PRKG1: variants seen among roughly 807,000 people sequenced by gnomAD.
The protein encoded by PRKG1 is cGMP-dependent protein kinase 1.
A neutral mutation model predicts 88.1 loss-of-function variants in PRKG1; 35 were observed. The observed-to-expected ratio is 0.40, with a 90% CI of 0.30 to 0.53. PRKG1 has a LOEUF of 0.53. Among genes scored for constraint, PRKG1 ranks in the 20% least tolerant of loss-of-function variants. The pLI is 0.59. For synonymous variants in PRKG1, 303 were observed against 292.5 expected (o/e 1.04, Z -0.37); for missense variants, 540 against 839.8 (o/e 0.64, Z 4.41).
At chr10:51,182,455 A>G (rs940155686) in intron 2 of PRKG1, among the ~76,000 whole-genome samples, 2 of 152,134 alleles carry the variant, frequency 1.3e-5, no homozygotes, top group African/African-American at 4.8e-5. Context: ...CCCTTTAGCA[A>G]TAGATCTTTG....
intron 3 of PRKG1, among the ~76,000 whole-genome samples, chr10:51,669,828 C>A (rs1354163089): frequency 6.6e-6 from 1 of 152,192 alleles, no homozygotes; most frequent in Non-Finnish European, 1.5e-5. Context: ...TCCATGCATG[C>A]TTTAAAAGAG....
chr10:51,831,953 C>G (rs1224733711), intron 4 of PRKG1, among the ~76,000 whole-genome samples: 1 of 152,054 alleles, frequency 6.6e-6, no homozygotes, highest in African/African-American at 2.4e-5. Context: ...ACTTATTTTT[C>G]CGTATATGTA....
intron 3 of PRKG1, among the ~76,000 whole-genome samples, chr10:51,695,285 C>T (rs549127962): frequency 2.2e-4 from 33 of 152,086 alleles, no homozygotes; most frequent in Non-Finnish European, 4.4e-4. Context: ...TTATACCAAC[C>T]ACAAAATGGC....
chr10:51,927,557 C>G (rs910729454), intron 5 of PRKG1, among the ~76,000 whole-genome samples: 4 of 147,600 alleles, frequency 2.7e-5, no homozygotes, highest in African/African-American at 9.8e-5. Flanking sequence ...CAGCAGCAAT[C>G]AAACATACAC....
At chr10:51,698,314 A>G (rs1165160594) in intron 3 of PRKG1, 1 of 1,613,602 alleles carries the variant, frequency 6.2e-7, no homozygotes, top group South Asian at 1.1e-5. Flanking sequence ...GAGAATCTCT[A>G]CCACCTCTAC....
At chr10:52,037,149 A>C (rs2133222094) in intron 5 of PRKG1, among the ~76,000 whole-genome samples, 1 of 152,342 alleles carries the variant, frequency 6.6e-6, no homozygotes, top group East Asian at 1.9e-4. Flanking sequence ...GGGGTCCCAC[A>C]CAGATGGGAC....
intron 3 of PRKG1, among the ~76,000 whole-genome samples, chr10:51,480,910 G>C (rs1432409310): frequency 1.1e-4 from 16 of 152,024 alleles, no homozygotes. Context: ...GTATATGAGG[G>C]ACTGGAGAAT....
At chr10:51,918,079 G>T (rs949078523) in intron 5 of PRKG1, among the ~76,000 whole-genome samples, 2 of 152,178 alleles carry the variant, frequency 1.3e-5, no homozygotes, top group Admixed American at 6.5e-5. Context: ...TCCCATCTGA[G>T]TAATAACAAT....
intron 3 of PRKG1, among the ~76,000 whole-genome samples, chr10:51,509,422 A>G (rs933494766): frequency 6.6e-6 from 1 of 152,262 alleles, no homozygotes; most frequent in Admixed American, 6.5e-5. Context: ...TTTCATTTCT[A>G]CAAATTAAGC....
At chr10:51,634,820 A>G (rs1288105403) in intron 3 of PRKG1, among the ~76,000 whole-genome samples, 1 of 152,106 alleles carries the variant, frequency 6.6e-6, no homozygotes. Context: ...TATTCTAAGA[A>G]AACTAAACTA....
chr10:51,417,750 T>G (rs1429991345), intron 2 of PRKG1, among the ~76,000 whole-genome samples: 1 of 152,188 alleles, frequency 6.6e-6, no homozygotes, highest in Non-Finnish European at 1.5e-5. Flanking sequence ...TCTTTATATT[T>G]AATTAAGTTA....
chr10:51,209,614 T>A (rs1431070528), intron 2 of PRKG1, among the ~76,000 whole-genome samples: 1 of 152,218 alleles, frequency 6.6e-6, no homozygotes, highest in Non-Finnish European at 1.5e-5. Flanking sequence ...TTAATTTTTT[T>A]ATTCATATCT....
chr10:51,798,528 T>G (rs937814356), intron 3 of PRKG1, among the ~76,000 whole-genome samples: 1 of 152,032 alleles, frequency 6.6e-6, no homozygotes, highest in African/African-American at 2.4e-5. Flanking sequence ...ATAATATTTG[T>G]GAAGCTTCAT....
At chr10:52,200,142 A>C (rs1408881957) in intron 9 of PRKG1, among the ~76,000 whole-genome samples, 1 of 151,996 alleles carries the variant, frequency 6.6e-6, no homozygotes, top group Non-Finnish European at 1.5e-5. Flanking sequence ...TTGATGTACA[A>C]ATTATTTCAT....
intron 4 of PRKG1, among the ~76,000 whole-genome samples, chr10:51,868,500 A>AT (rs1433678290): frequency 6.6e-6 from 1 of 151,980 alleles, no homozygotes; most frequent in Admixed American, 6.6e-5. Flanking sequence ...AATTTATCCA[A>AT]TTTTTTTTCA....
At chr10:51,005,633 T>A (rs573457267) in intron 1 of PRKG1, among the ~76,000 whole-genome samples, 1 of 152,168 alleles carries the variant, frequency 6.6e-6, no homozygotes, top group Non-Finnish European at 1.5e-5. Flanking sequence ...CCCAACCAAC[T>A]CTAGAATGAA....
At chr10:51,334,388 T>C (rs1230429963) in intron 2 of PRKG1, among the ~76,000 whole-genome samples, 1 of 152,150 alleles carries the variant, frequency 6.6e-6, no homozygotes, top group Non-Finnish European at 1.5e-5. Flanking sequence ...TGCTCTAGAA[T>C]GCAAGTTATA....
At chr10:51,818,792 G>A (rs1173478360) in intron 4 of PRKG1, among the ~76,000 whole-genome samples, 4 of 137,564 alleles carry the variant, frequency 2.9e-5, no homozygotes, top group Non-Finnish European at 6.0e-5. Context: ...CGGATCACGA[G>A]GTCAGGAGAT....
intron 3 of PRKG1, among the ~76,000 whole-genome samples, chr10:51,502,231 C>A (rs548868071): frequency 7.2e-5 from 11 of 152,062 alleles, no homozygotes; most frequent in Admixed American, 2.0e-4. Context: ...TCTGTTATGC[C>A]ACCAATTTAA....
Sources: allele counts gnomAD v4.1 joint callset (sites outside exome capture counted in the v4.1 genomes callset), GRCh38; gene constraint gnomAD v4.1.1; transcripts MANE v1.5; gene names NCBI Gene and HGNC (gene_info 2026-07-23, HGNC 2026-07-21).